The following SYN3 variants were observed in gnomAD, a reference collection of about 807,000 sequenced individuals.
The protein encoded by SYN3 is synapsin-3.
A neutral mutation model predicts 65.8 loss-of-function variants in SYN3; 35 were observed. The ratio of observed to expected loss-of-function variants is 0.53; its 90% CI spans 0.41 to 0.70. The LOEUF is 0.70. Ranked by LOEUF, SYN3 falls within the 30% of genes least tolerant of loss-of-function variation. The pLI is 0.00. For missense variants in SYN3, 680 were observed against 749.0 expected (o/e 0.91, Z 1.08); for synonymous variants, 270 against 292.9 (o/e 0.92, Z 0.80).
At chr22:32,938,318 G>A (rs1397850280) in intron 3 of SYN3, among the ~76,000 whole-genome samples, 1 of 151,012 alleles carries the variant, frequency 6.6e-6, no homozygotes, top group Non-Finnish European at 1.5e-5. Context: ...CACAAGGTCA[G>A]GAGATCAAGA....
intron 12 of SYN3, among the ~76,000 whole-genome samples, chr22:32,522,802 CT>C (rs1277743943): frequency 6.6e-6 from 1 of 152,038 alleles, no homozygotes; most frequent in Non-Finnish European, 1.5e-5. Flanking sequence ...CTGTTATTTC[CT>C]CCTTTACACT....
At chr22:32,957,209 T>A (rs1232261179) in intron 3 of SYN3, among the ~76,000 whole-genome samples, 1 of 152,164 alleles carries the variant, frequency 6.6e-6, no homozygotes, top group Non-Finnish European at 1.5e-5. Context: ...GCTCCAAGAT[T>A]AGCACAATCC....
intron 3 of SYN3, among the ~76,000 whole-genome samples, chr22:32,961,740 C>T (rs538114413): frequency 1.3e-5 from 2 of 152,210 alleles, no homozygotes; most frequent in Non-Finnish European, 2.9e-5. Context: ...AGCGGAGGGC[C>T]GGGGGTTGCA....
chr22:32,965,100 G>A (rs2051786908), intron 3 of SYN3, among the ~76,000 whole-genome samples: 1 of 152,190 alleles, frequency 6.6e-6, no homozygotes, highest in South Asian at 2.1e-4. Context: ...CCTCGGGCAG[G>A]ACACTTAACC....
chr22:33,016,534 T>C (rs1414338738), intron 1 of SYN3, among the ~76,000 whole-genome samples: 1 of 152,226 alleles, frequency 6.6e-6, no homozygotes, highest in East Asian at 1.9e-4. Flanking sequence ...TGCACAAGTT[T>C]TCCCTTTTCT....
chr22:32,557,347 T>C (rs536996849), intron 7 of SYN3, among the ~76,000 whole-genome samples: 2 of 152,270 alleles, frequency 1.3e-5, no homozygotes, highest in South Asian at 4.1e-4. Context: ...AGTGAGGGGA[T>C]GGAGTCCACC....
chr22:32,568,815 T>A (rs2146400847), intron 7 of SYN3, among the ~76,000 whole-genome samples: 1 of 152,284 alleles, frequency 6.6e-6, no homozygotes, highest in Admixed American at 6.5e-5. Context: ...AGAAAATAGC[T>A]AGTTTGCAAA....
At chr22:32,524,323 T>C (rs550411033) in intron 12 of SYN3, among the ~76,000 whole-genome samples, 52 of 152,352 alleles carry the variant, frequency 3.4e-4, no homozygotes, top group Non-Finnish European at 6.2e-4. Context: ...GCTTCAAAGC[T>C]TCAAAGGATA....
chr22:32,681,129 G>C (rs925771408), intron 6 of SYN3, among the ~76,000 whole-genome samples: 2 of 152,182 alleles, frequency 1.3e-5, no homozygotes, highest in East Asian at 3.9e-4. Context: ...GGAGGAGAGA[G>C]TATGGGAGAT....
At chr22:32,971,477 G>A (rs1226795871) in intron 3 of SYN3, among the ~76,000 whole-genome samples, 2 of 152,180 alleles carry the variant, frequency 1.3e-5, no homozygotes, top group African/African-American at 4.8e-5. Context: ...GTAGAGTTCT[G>A]TCCGACTCAG....
intron 5 of SYN3, among the ~76,000 whole-genome samples, chr22:32,865,855 G>A (rs1173057950): frequency 1.3e-5 from 2 of 152,310 alleles, no homozygotes; most frequent in South Asian, 4.1e-4. Context: ...CATAGGGGGT[G>A]AAGGGACCTG....
chr22:32,931,915 CA>C (rs2050644904), intron 3 of SYN3, among the ~76,000 whole-genome samples: 1 of 77,056 alleles, frequency 1.3e-5, no homozygotes, highest in African/African-American at 5.4e-5. Context: ...TTTGATGGGA[CA>C]TTTTCTCTAG....
At chr22:32,590,503 G>A (rs2059113351) in intron 7 of SYN3, among the ~76,000 whole-genome samples, 1 of 152,138 alleles carries the variant, frequency 6.6e-6, no homozygotes, top group Non-Finnish European at 1.5e-5. Context: ...ATAATCATGT[G>A]CTTTGGTCAC....
intron 12 of SYN3, among the ~76,000 whole-genome samples, chr22:32,526,050 AG>A (rs1362470809): frequency 6.6e-6 from 1 of 152,240 alleles, no homozygotes; most frequent in Non-Finnish European, 1.5e-5. Context: ...CTATTCACCT[AG>A]GGCTCAGACG....
rs73162075 is a variant in SYN3 at position 33,018,374 on chromosome 22, G to A, written c.-162-11550C>T. ...GAAAAGACAGGAAGGCAGGGAAGAC[G>A]GGCTGGGATAGAACCCAGTAGGCCC... On this transcript the variant is annotated intron_variant, in intron 1 of 13. Coordinates refer to ENST00000358763, the MANE Select transcript of SYN3 (RefSeq NM_003490.4). 6.0e-3 allele frequency among the ~76,000 whole-genome samples: 908 copies of A among 152,292 alleles called. 7 individuals are homozygous for A. The highest frequency in any genetic ancestry group is 0.028 in the South Asian group (137 of 4,826).
intron 6 of SYN3, among the ~76,000 whole-genome samples, chr22:32,807,256 C>A (rs1471931320): frequency 2.8e-5 from 4 of 141,840 alleles, no homozygotes; most frequent in African/African-American, 1.1e-4. Flanking sequence ...GTGAGACAAA[C>A]CAAGTCCTTT....
At chr22:32,575,332 C>T (rs140247336) in intron 7 of SYN3, among the ~76,000 whole-genome samples, 1 of 152,178 alleles carries the variant, frequency 6.6e-6, no homozygotes, top group Non-Finnish European at 1.5e-5. Flanking sequence ...ATGAATGGGA[C>T]ACAAGTCGAG....
At chr22:32,599,390 C>T (rs2858730) in intron 6 of SYN3, among the ~76,000 whole-genome samples, 28,581 of 151,112 alleles carry the variant, frequency 0.19, 2,915 homozygotes, top group East Asian at 0.38. Context: ...GGTGCGATCT[C>T]GGCTCAGTGC....
intron 6 of SYN3, among the ~76,000 whole-genome samples, chr22:32,597,204 CTTTTTTTTT>C (rs6147592): frequency 1.2e-3 from 109 of 87,400 alleles, no homozygotes; most frequent in African/African-American, 2.1e-3. Context: ...ACATTATTCT[CTTTTTTTTT>C]TTTTTTTTTT....
Sources: allele counts gnomAD v4.1 joint callset (sites outside exome capture counted in the v4.1 genomes callset), GRCh38; gene constraint gnomAD v4.1.1; transcripts MANE v1.5; gene names NCBI Gene and HGNC (gene_info 2026-07-23, HGNC 2026-07-21).